The following TRPC4AP variants were observed in gnomAD, a reference collection of about 807,000 sequenced individuals.
The protein encoded by TRPC4AP is transient receptor potential cation channel subfamily C member 4 associated protein, also known as short transient receptor potential channel 4-associated protein.
Under a neutral mutation model 99.0 loss-of-function variants are expected in TRPC4AP, and 45 were observed. The ratio of observed to expected loss-of-function variants is 0.45; its 90% confidence interval spans 0.36 to 0.58. The LOEUF is 0.58. Ranked by LOEUF, TRPC4AP falls within the 20% of genes least tolerant of loss-of-function variation. The probability of loss-of-function intolerance (pLI) is 0.00; values close to 1 mark genes in which losing one functional copy is unlikely to be tolerated. For missense variants in TRPC4AP, 879 were observed against 985.3 expected, an observed-to-expected ratio of 0.89 and a Z score of 1.44; for synonymous variants, 408 against 385.8, an observed-to-expected ratio of 1.06 and a Z score of -0.67.
In TRPC4AP at chr20:35,092,713, C is replaced by G; in HGVS notation, c.69G>C (p.Ala23=). The G allele has an allele frequency of 6.4e-7, 1 of 1,556,962 alleles. No individual in the cohort carries two copies. Among genetic ancestry groups the G allele is most frequent in the African/African-American group, 1.4e-5 (1 of 71,452 alleles). ...GCCGGCCGCCCCATCCGCCCCAAGC[C>G]GCCACTGTGGCTGCCGACCGTCTCC... ...GRGRRSAATV[A]AWGGWGGRPR... Residue 23 remains alanine (A), a synonymous_variant, in exon 1 of 19, where the codon GCG becomes GCC. Transcript: ENST00000252015.
chr20:35,080,549 A>C (rs796877552), intron 1 of TRPC4AP, among the ~76,000 whole-genome samples: 5 of 150,374 alleles, frequency 3.3e-5, no homozygotes, highest in African/African-American at 7.4e-5. Context: ...AAAAAAAAAA[A>C]AAAAAAACCT....
chr20:35,008,180 C>T (rs1384152402), intron 13 of TRPC4AP, among the ~76,000 whole-genome samples: 1 of 152,184 alleles, frequency 6.6e-6, no homozygotes, highest in Non-Finnish European at 1.5e-5. Context: ...TGACAGCTCA[C>T]GCCCGGCCCT....
At chr20:35,028,078 G>A (rs771204130) in intron 8 of TRPC4AP, among the ~76,000 whole-genome samples, 1 of 152,026 alleles carries the variant, frequency 6.6e-6, no homozygotes, top group Middle Eastern at 3.2e-3. Context: ...ATGACTTAAG[G>A]TAGACGTTTA....
intron 8 of TRPC4AP, among the ~76,000 whole-genome samples, chr20:35,022,658 C>T (rs2082920907): frequency 6.6e-6 from 1 of 152,072 alleles, no homozygotes; most frequent in South Asian, 2.1e-4. Context: ...GAGTGGTTAT[C>T]AGATATATTC....
At chr20:35,027,625 T>A (rs1039580536) in intron 8 of TRPC4AP, among the ~76,000 whole-genome samples, 1 of 152,232 alleles carries the variant, frequency 6.6e-6, no homozygotes, top group East Asian at 1.9e-4. Context: ...TTTGGTAGAA[T>A]TAACCAGTGA....
chr20:35,002,750 G>A lies in TRPC4AP; in HGVS notation c.*396C>T. ...CCTTTGCCTGGGTCCAAAGGCCAGG[G>A]ACAAGGGAGGCTTGGCTCACAGATG... On this transcript the variant is annotated 3_prime_UTR_variant, in exon 19 of 19. Coordinates refer to ENST00000252015, the MANE Select transcript of TRPC4AP (RefSeq NM_015638.3). 1 of 192,746 alleles carries A rather than the reference G, an allele frequency of 5.2e-6. No homozygotes were observed. Among genetic ancestry groups the A allele is most frequent in the African/African-American group, 2.3e-5 (1 of 42,640 alleles). The allele number at this position is 192,746 out of a possible 1,614,324, so 11.9% of individuals were successfully genotyped here.
chr20:35,090,180 T>A (rs1357183805), intron 1 of TRPC4AP, among the ~76,000 whole-genome samples: 1 of 140,862 alleles, frequency 7.1e-6, no homozygotes, highest in Non-Finnish European at 1.5e-5. Flanking sequence ...TGGAATAAAT[T>A]AAAAAAAAAA....
intron 1 of TRPC4AP, among the ~76,000 whole-genome samples, chr20:35,080,457 C>T (rs6579215): frequency 0.14 from 20,943 of 150,108 alleles, 1,821 homozygotes; most frequent in African/African-American, 0.25. Context: ...GCCAAGACTG[C>T]GCCACTGCAC....
chr20:35,089,574 G>C (rs1443258914), intron 1 of TRPC4AP, among the ~76,000 whole-genome samples: 2 of 152,070 alleles, frequency 1.3e-5, no homozygotes, highest in Non-Finnish European at 2.9e-5. Context: ...ATTTTGGCTA[G>C]GCGCAGTGGC....
chr20:35,056,859 G>A (rs534057577), intron 4 of TRPC4AP, among the ~76,000 whole-genome samples: 8 of 151,274 alleles, frequency 5.3e-5, no homozygotes, highest in East Asian at 3.9e-4. Flanking sequence ...GGTGGTGGGC[G>A]CCTGTAATCC....
chr20:35,011,040 C>T (rs1286318622), intron 11 of TRPC4AP, among the ~76,000 whole-genome samples: 8 of 152,164 alleles, frequency 5.3e-5, no homozygotes, highest in African/African-American at 1.9e-4. Flanking sequence ...GCGGGTGGAT[C>T]ACGAGGTCAG....
intron 10 of TRPC4AP, among the ~76,000 whole-genome samples, chr20:35,014,866 A>G (rs1569086208): frequency 6.6e-6 from 1 of 152,184 alleles, no homozygotes; most frequent in East Asian, 1.9e-4. Context: ...TTTTGCAAGA[A>G]AACAGAGGCT....
Position 35,035,192 on chromosome 20 carries a change from A to G in TRPC4AP, c.982T>C (p.Trp328Arg). ...TCTAGCACCAAAGCATTGTCTAGCC[A>G]TGTGTACCACTCTTCCAACTCCTGA... ...FLQELEEWYTWLDNALVLDAL... is the reference protein window; with the variant it reads ...FLQELEEWYTRLDNALVLDAL... The change falls in exon 8 of 19, where the codon TGG becomes CGG. Residue 328 changes from tryptophan to arginine, a missense_variant. Around this residue, in one of 3 missense-constraint regions of TRPC4AP, gnomAD observed 603 missense variants for 631.8 expected, o/e 0.95. Transcript: ENST00000252015. 1 of 1,614,130 alleles carries G rather than the reference A, an allele frequency of 6.2e-7. No individual in the cohort carries two copies. Among genetic ancestry groups the G allele is most frequent in the African/African-American group, 1.3e-5 (1 of 75,018 alleles).
intron 3 of TRPC4AP, among the ~76,000 whole-genome samples, chr20:35,068,478 G>A (rs2084202462): frequency 6.6e-6 from 1 of 152,158 alleles, no homozygotes; most frequent in Non-Finnish European, 1.5e-5. Flanking sequence ...ATAAATGCCA[G>A]TCAACTGGGG....
chr20:35,049,004 C>T (rs1376553089), intron 6 of TRPC4AP, among the ~76,000 whole-genome samples: 1 of 152,164 alleles, frequency 6.6e-6, no homozygotes, highest in East Asian at 1.9e-4. Flanking sequence ...CACCACAGTG[C>T]ACATGAACAT....
chr20:35,083,190 A>G (rs552786644), intron 1 of TRPC4AP, among the ~76,000 whole-genome samples: 2 of 152,328 alleles, frequency 1.3e-5, no homozygotes, highest in African/African-American at 4.8e-5. Flanking sequence ...TCTTATTTTT[A>G]TATTACAGCT....
chr20:35,009,514 C>T (rs541314313), intron 12 of TRPC4AP, among the ~76,000 whole-genome samples: 8 of 152,168 alleles, frequency 5.3e-5, no homozygotes, highest in East Asian at 1.9e-4. Context: ...GGAATGGTGG[C>T]GCACACCTGT....
chr20:35,071,733 T>G (rs988650652), intron 2 of TRPC4AP, among the ~76,000 whole-genome samples: 10 of 152,214 alleles, frequency 6.6e-5, no homozygotes, highest in South Asian at 2.1e-4. Flanking sequence ...TGAATAGTGC[T>G]GCAATAAATA....
intron 6 of TRPC4AP, among the ~76,000 whole-genome samples, chr20:35,049,260 T>G (rs991070141): frequency 2.0e-5 from 3 of 152,132 alleles, no homozygotes; most frequent in African/African-American, 2.4e-5. Flanking sequence ...ATAGCTGTTT[T>G]TTTTTTTTTT....
Sources: gnomAD v4.1 joint callset for allele counts (sites outside exome capture counted in the v4.1 genomes callset) on GRCh38, gnomAD v4.1.1 for gene constraint, gnomAD v4.1.1 regional missense constraint, MANE v1.5 for transcripts, NCBI Gene and HGNC (gene_info 2026-07-23, HGNC 2026-07-21) for gene names.